The following MAD1L1 variants were observed in gnomAD, a reference collection of about 807,000 sequenced individuals.
MAD1L1 encodes mitotic arrest deficient 1 like 1.
In MAD1L1, 95 loss-of-function variants were observed where a neutral mutation model predicts 96.9. The ratio of observed to expected loss-of-function variants is 0.98; its 90% CI spans 0.83 to 1.16. The LOEUF is 1.16. MAD1L1 is among the 50% of genes most tolerant of loss of function. The pLI, the probability that MAD1L1 is intolerant of heterozygous loss-of-function variation, is 0.00. For synonymous variants in MAD1L1, 473 were observed against 396.6 expected, an observed-to-expected ratio of 1.19 and a Z score of -2.29; for missense variants, 1,007 against 954.4, an observed-to-expected ratio of 1.06 and a Z score of -0.73.
At chr7:1,899,395 G>T (rs1204792921) in intron 17 of MAD1L1, among the ~76,000 whole-genome samples, 2 of 152,182 alleles carry the variant, frequency 1.3e-5, no homozygotes, top group Non-Finnish European at 2.9e-5. Flanking sequence ...TCCAGGCGGG[G>T]ACGGGAGCCT....
intron 17 of MAD1L1, among the ~76,000 whole-genome samples, chr7:1,927,542 T>G (rs1023350862): frequency 6.6e-6 from 1 of 152,166 alleles, no homozygotes; most frequent in Non-Finnish European, 1.5e-5. Flanking sequence ...CCATAACGCA[T>G]GGCCAACTGG....
At chr7:1,915,688 G>T (rs951505600) in intron 17 of MAD1L1, among the ~76,000 whole-genome samples, 1 of 152,260 alleles carries the variant, frequency 6.6e-6, no homozygotes, top group African/African-American at 2.4e-5. Flanking sequence ...TTTTCAAAAA[G>T]CAAGTGAAAG....
At chr7:2,205,609 G>A (rs964289736) in intron 10 of MAD1L1, among the ~76,000 whole-genome samples, 1 of 152,070 alleles carries the variant, frequency 6.6e-6, no homozygotes, top group African/African-American at 2.4e-5. Flanking sequence ...TAATTCTCAG[G>A]GAGACAGATG....
Position 2,014,421 on chromosome 7 carries a change from C to T in MAD1L1, c.1359+81G>A, listed in dbSNP as rs377648231. 54 of 1,473,984 alleles carry T rather than the reference C, an allele frequency of 3.7e-5. No individual in the cohort carries two copies. In the South Asian group the frequency reaches 6.8e-4, roughly 18 times the overall value. The allele number at this position is 1,473,984 out of a possible 1,614,324, so 91.3% of individuals were successfully genotyped here. A position where few individuals can be genotyped will look rare whatever the true frequency, so the allele number is the denominator to read the frequency against. On this transcript the variant is annotated intron_variant, in intron 13 of 18. Transcript: ENST00000265854. ...GGGGAGGCGGGGTCCAGACCTCCAC[C>T]TCCCCGCCGCAGGCTCTGCCAAGGC... is the stretch of plus-strand genomic sequence containing the variant.
At chr7:2,064,538 G>A (rs1784796032) in intron 12 of MAD1L1, among the ~76,000 whole-genome samples, 1 of 152,246 alleles carries the variant, frequency 6.6e-6, no homozygotes, top group Non-Finnish European at 1.5e-5. Context: ...CTCCGAAGAG[G>A]ACAGAGGCTT....
intron 3 of MAD1L1, among the ~76,000 whole-genome samples, chr7:2,227,309 G>T (rs1793952514): frequency 6.6e-6 from 1 of 152,160 alleles, no homozygotes; most frequent in African/African-American, 2.4e-5. Flanking sequence ...AAGAAAAAAA[G>T]AAACTTCTTT....
At position 1,898,117 on chromosome 7, in the gene MAD1L1, T is replaced by G. The variant is rs887004935; in HGVS notation, c.1998+83A>C. On this transcript the variant is annotated intron_variant, in intron 18 of 18. Coordinates refer to ENST00000265854, the MANE Select transcript of MAD1L1 (RefSeq NM_001013836.2). ...TCCCCTTTGGACGCGAGGCTGCTCC[T>G]TTGCTGAGGGCTACGGTCGGATCTC... is the stretch of plus-strand genomic sequence containing the variant. The G allele has an allele frequency of 5.6e-6, 8 of 1,438,196 alleles. No homozygotes were observed. The African/African-American group carries it at 1.1e-4, about 20-fold the overall frequency. The allele number at this position is 1,438,196 out of a possible 1,614,324, so 89.1% of individuals were successfully genotyped here.
chr7:2,045,466 G>T (rs1562634489), intron 12 of MAD1L1, among the ~76,000 whole-genome samples: 2 of 152,168 alleles, frequency 1.3e-5, no homozygotes, highest in African/African-American at 4.8e-5. Flanking sequence ...AGCCCGCAGG[G>T]TCACACCAGC....
intron 18 of MAD1L1, among the ~76,000 whole-genome samples, chr7:1,820,148 A>C (rs1482618584): frequency 6.6e-6 from 1 of 152,144 alleles, no homozygotes; most frequent in Non-Finnish European, 1.5e-5. Context: ...GGAAAACTGT[A>C]AGTGCCTGGA....
chr7:2,095,692 T>C (rs1786450572), intron 11 of MAD1L1, among the ~76,000 whole-genome samples: 2 of 152,214 alleles, frequency 1.3e-5, no homozygotes, highest in South Asian at 4.1e-4. Flanking sequence ...ACCTGCCTAC[T>C]GCGAGAGGGG....
At chr7:2,071,606 G>C (rs924765864) in intron 11 of MAD1L1, among the ~76,000 whole-genome samples, 2 of 152,186 alleles carry the variant, frequency 1.3e-5, no homozygotes, top group African/African-American at 2.4e-5. Flanking sequence ...CTAGAGGCTC[G>C]GGACTTCAGC....
chr7:2,126,352 C>T (rs1788230082), intron 11 of MAD1L1, among the ~76,000 whole-genome samples: 1 of 152,160 alleles, frequency 6.6e-6, no homozygotes, highest in African/African-American at 2.4e-5. Context: ...TTTCAATAAA[C>T]ACACAGGCAC....
At chr7:1,980,624 C>T (rs960713662) in intron 14 of MAD1L1, 83 bp from the exon 15 acceptor site, 3 of 1,105,518 alleles carry the variant, frequency 2.7e-6, no homozygotes, top group African/African-American at 3.1e-5. Context: ...CCCCTGAGAC[C>T]ACCCCTGGCA....
intron 10 of MAD1L1, among the ~76,000 whole-genome samples, chr7:2,186,856 C>T (rs1362062802): frequency 3.3e-5 from 5 of 151,522 alleles, no homozygotes; most frequent in African/African-American, 1.2e-4. Context: ...TGCAGTGGCA[C>T]AATCTCAGCT....
rs1789075597 is a variant in MAD1L1 at position 2,142,296 on chromosome 7, G to C, written c.1073+6856C>G. 6.6e-6 allele frequency among the ~76,000 whole-genome samples: 1 copy of C among 152,214 alleles called. No individual in the cohort carries two copies. Among genetic ancestry groups the C allele is most frequent in the Non-Finnish European group, 1.5e-5 (1 of 68,042 alleles). Reference sequence around the variant, plus strand: ...ACCACAGGAAAGCAGATGCCATCAAGGGCCCCGTTCTAGAGACAGACAAGG... The same window carrying C: ...ACCACAGGAAAGCAGATGCCATCAACGGCCCCGTTCTAGAGACAGACAAGG... On this transcript the variant is annotated intron_variant, in intron 11 of 18. Coordinates refer to ENST00000265854, the MANE Select transcript of MAD1L1 (RefSeq NM_001013836.2). This position sits in a 1 kb window ranked among gnomAD's most constrained non-coding sequence, Gnocchi z 4.7.
intron 17 of MAD1L1, among the ~76,000 whole-genome samples, chr7:1,931,524 C>T (rs1020382028): frequency 3.3e-5 from 5 of 152,226 alleles, no homozygotes; most frequent in Non-Finnish European, 5.9e-5. Flanking sequence ...ACCTCTCAGC[C>T]GATCATGTCG....
chr7:1,940,923 G>A (rs1193225976), intron 16 of MAD1L1, among the ~76,000 whole-genome samples: 4 of 25,784 alleles, frequency 1.6e-4, no homozygotes, highest in Non-Finnish European at 3.1e-4. Flanking sequence ...AGAGCAGTGA[G>A]ACCCTCCTCC....
At chr7:1,956,285 T>C (rs1383424467) in intron 16 of MAD1L1, among the ~76,000 whole-genome samples, 1 of 152,070 alleles carries the variant, frequency 6.6e-6, no homozygotes, top group Non-Finnish European at 1.5e-5. Context: ...TGGTGGCAGC[T>C]GGAGGGCTGT....
At chr7:1,942,412 C>A (rs1210661072) in intron 16 of MAD1L1, among the ~76,000 whole-genome samples, 1 of 152,246 alleles carries the variant, frequency 6.6e-6, no homozygotes, top group African/African-American at 2.4e-5. Flanking sequence ...AGCGCAGAGT[C>A]AGGCACACCA....
Sources: allele counts gnomAD v4.1 joint callset (sites outside exome capture counted in the v4.1 genomes callset), GRCh38; gene constraint gnomAD v4.1.1; non-coding constraint Gnocchi (gnomAD v3.1); transcripts MANE v1.5; gene names NCBI Gene and HGNC (gene_info 2026-07-23, HGNC 2026-07-21).